JAKMIP1: variants seen among roughly 807,000 people sequenced by gnomAD.
JAKMIP1 encodes the protein janus kinase and microtubule-interacting protein 1.
A neutral mutation model predicts 113.0 loss-of-function variants in JAKMIP1; 33 were observed. The observed-to-expected ratio is 0.29, with a 90% CI of 0.22 to 0.39. JAKMIP1 has a LOEUF of 0.39. Among genes scored for constraint, JAKMIP1 ranks in the 10% least tolerant of loss-of-function variants. The pLI, the probability that JAKMIP1 is intolerant of heterozygous loss-of-function variation, is 1.00. For missense variants in JAKMIP1, 813 were observed against 1,080.5 expected (o/e 0.75, Z 3.47); for synonymous variants, 480 against 459.9 (o/e 1.04, Z -0.56).
chr4:6,049,001 T>G lies in JAKMIP1; in HGVS notation c.1963-79A>C. 9.7e-7 allele frequency: 1 copy of G among 1,027,614 alleles called. No homozygotes were observed. The highest frequency in any genetic ancestry group is 1.9e-5 in the Admixed American group (1 of 52,360). 63.7% of individuals were successfully genotyped at this position (1,027,614 alleles called of 1,614,324 possible). On this transcript the variant is annotated intron_variant, in intron 15 of 20. Coordinates refer to ENST00000409021, the MANE Select transcript of JAKMIP1 (RefSeq NM_001099433.2). The surrounding 1 kb of genome is among the most constrained non-coding windows in gnomAD (Gnocchi z 7.0). The stretch of plus-strand genomic sequence containing the variant: ...CAGACAGTCAGCACCAAGCAAGTTT[T>G]TTTTTTTCGTTGTTGTTGTTTGTTT...
chr4:6,043,048 C>A (rs1714541567), intron 16 of JAKMIP1, among the ~76,000 whole-genome samples: 1 of 151,934 alleles, frequency 6.6e-6, no homozygotes, highest in South Asian at 2.1e-4. Flanking sequence ...GAAGTCCAGG[C>A]CAGCACAGGG....
chr4:6,170,808 T>C lies in JAKMIP1; in HGVS notation c.-148+29445A>G, dbSNP rs183292267. On this transcript the variant is annotated intron_variant, in intron 1 of 20. Coordinates refer to ENST00000409021, the MANE Select transcript of JAKMIP1 (RefSeq NM_001099433.2). ...ACCACCACCACTACACTTCCATCAC[T>C]ATCACCACCATCCCAGAACCACCAC... 1.7e-3 allele frequency among the ~76,000 whole-genome samples: 118 copies of C among 71,320 alleles called. 1 individual carries two copies. Among genetic ancestry groups the C allele is most frequent in the African/African-American group, 4.7e-3 (109 of 23,086 alleles). 46.8% of individuals were successfully genotyped at this position (71,320 alleles called of 152,430 possible).
At chr4:6,101,946 G>A (rs976171694) in intron 3 of JAKMIP1, among the ~76,000 whole-genome samples, 6 of 150,766 alleles carry the variant, frequency 4.0e-5, no homozygotes, top group Non-Finnish European at 5.9e-5. Flanking sequence ...TTTGGTAAGG[G>A]ATAGCACTGA....
rs1240394872 is a variant in JAKMIP1 at position 6,059,884 on chromosome 4, T to C, written c.1644+540A>G. Among the ~76,000 whole-genome samples, 1 of 151,858 alleles carries C rather than the reference T, an allele frequency of 6.6e-6. No individual in the cohort carries two copies. The highest frequency in any genetic ancestry group is 1.5e-5 in the Non-Finnish European group (1 of 67,998). ...TGGCTCCCCCACTCCAGGGGACAGG[T>C]CTAGGCCCAGGCATTGCTTTTCTGC... On this transcript the variant is annotated intron_variant, in intron 11 of 20. Transcript: ENST00000409021. This position sits in a 1 kb window ranked among gnomAD's most constrained non-coding sequence, Gnocchi z 4.8.
At position 6,121,009 on chromosome 4, in the gene JAKMIP1, G is replaced by C. The variant is rs375784340; in HGVS notation, c.-147-8012C>G. On this transcript the variant is annotated intron_variant, in intron 1 of 20. Transcript: ENST00000409021. ...GAGATCAGGAGTTCAAGACCAGCCC[G>C]GCCAACATGGTGAAATCCTGTCTCT... 1.0e-3 allele frequency among the ~76,000 whole-genome samples: 154 copies of C among 152,164 alleles called. 5 individuals are homozygous for C. The East Asian group carries it at 0.02, about 19-fold the overall frequency.
At position 6,197,950 on chromosome 4, in the gene JAKMIP1, T is replaced by C. The variant is rs1242523948; in HGVS notation, c.-148+2303A>G. The stretch of plus-strand genomic sequence containing the variant: ...GTGGGGCCACGGTCCTGCCACTTCC[T>C]CGTGCAGCCTTCCTGGCCGGGCCGC... On this transcript the variant is annotated intron_variant, in intron 1 of 20. Coordinates refer to ENST00000409021, the MANE Select transcript of JAKMIP1 (RefSeq NM_001099433.2). This position sits in a 1 kb window ranked among gnomAD's most constrained non-coding sequence, Gnocchi z 6.5. 1.3e-5 allele frequency among the ~76,000 whole-genome samples: 2 copies of C among 152,194 alleles called. No homozygotes were observed. Among genetic ancestry groups the C allele is most frequent in the African/African-American group, 4.8e-5 (2 of 41,434 alleles).
rs771399724 is a variant in JAKMIP1 at position 6,178,085 on chromosome 4, A to C, written c.-148+22168T>G. 6.6e-5 allele frequency among the ~76,000 whole-genome samples: 10 copies of C among 152,042 alleles called. No homozygotes were observed. Among genetic ancestry groups the C allele is most frequent in the Non-Finnish European group, 1.3e-4 (9 of 68,012 alleles). On this transcript the variant is annotated intron_variant, in intron 1 of 20. Coordinates refer to ENST00000409021, the MANE Select transcript of JAKMIP1 (RefSeq NM_001099433.2). This position sits in a 1 kb window ranked among gnomAD's most constrained non-coding sequence, Gnocchi z 5.5. ...CCGCCTCGTTGGCCACGCCCACTTC[A>C]TGCTTCCTGTCCCCGACCCTCCTCC...
chr4:6,041,873 C>A (rs1714357800), intron 17 of JAKMIP1, among the ~76,000 whole-genome samples: 1 of 152,212 alleles, frequency 6.6e-6, no homozygotes, highest in East Asian at 1.9e-4. Context: ...GGTCTGTGAG[C>A]TTGCTCCTGG....
Position 6,178,279 on chromosome 4 carries a change from G to A in JAKMIP1, c.-148+21974C>T, listed in dbSNP as rs760109961. On this transcript the variant is annotated intron_variant, in intron 1 of 20. Transcript: ENST00000409021. This position sits in a 1 kb window ranked among gnomAD's most constrained non-coding sequence, Gnocchi z 5.5. ...AGCAGCTTTTCCTTTGTTACCCTAC[G>A]ATATGGTTTGGCTGTGTCCCCACCC... Among the ~76,000 whole-genome samples the A allele has an allele frequency of 5.3e-5, 8 of 152,154 alleles. No homozygotes were observed. Among genetic ancestry groups the A allele is most frequent in the Non-Finnish European group, 1.0e-4 (7 of 68,022 alleles).
At chr4:6,118,184 G>C (rs1405043035) in intron 1 of JAKMIP1, among the ~76,000 whole-genome samples, 1 of 152,174 alleles carries the variant, frequency 6.6e-6, no homozygotes, top group African/African-American at 2.4e-5. Flanking sequence ...GTATTAATTT[G>C]GGGAAGTAAT....
intron 20 of JAKMIP1, among the ~76,000 whole-genome samples, chr4:6,028,987 C>T (rs1712227639): frequency 6.6e-6 from 1 of 152,246 alleles, no homozygotes; most frequent in Non-Finnish European, 1.5e-5. Context: ...CAAGGACTCA[C>T]AGCCATCCGG....
chr4:6,173,374 GGA>G (rs1724974442), intron 1 of JAKMIP1, among the ~76,000 whole-genome samples: 1 of 152,140 alleles, frequency 6.6e-6, no homozygotes, highest in Non-Finnish European at 1.5e-5. Flanking sequence ...TTCTCTATGG[GGA>G]GAGAAACAAA....
rs974499436 is a variant in JAKMIP1 at position 6,093,696 on chromosome 4, G to A, written c.625-8067C>T. 1.3e-5 allele frequency among the ~76,000 whole-genome samples: 2 copies of A among 152,188 alleles called. No homozygotes were observed. Among genetic ancestry groups the A allele is most frequent in the African/African-American group, 4.8e-5 (2 of 41,440 alleles). ...GTATTACAATGAATGATGTCCACCT[G>A]TACAGGGAGGTGTGGCTGCCGTGCC... On this transcript the variant is annotated intron_variant, in intron 3 of 20. Coordinates refer to ENST00000409021, the MANE Select transcript of JAKMIP1 (RefSeq NM_001099433.2). This position sits in a 1 kb window ranked among gnomAD's most constrained non-coding sequence, Gnocchi z 4.6.
intron 3 of JAKMIP1, among the ~76,000 whole-genome samples, chr4:6,087,899 C>A (rs1212022245): frequency 6.6e-6 from 1 of 152,106 alleles, no homozygotes; most frequent in Non-Finnish European, 1.5e-5. Flanking sequence ...GGTGATGATC[C>A]ACCAGCATCT....
chr4:6,152,789 A>AATAT lies in JAKMIP1; in HGVS notation c.-147-39796_-147-39793dup, dbSNP rs35192547. On this transcript the variant is annotated intron_variant, in intron 1 of 20. Coordinates refer to ENST00000409021, the MANE Select transcript of JAKMIP1 (RefSeq NM_001099433.2). ...AAACTCTGTCTCTACTAAAAATACA[A>AATAT]ATATATATATATATATATATACATA... 1.6e-3 allele frequency among the ~76,000 whole-genome samples: 219 copies of AATAT among 135,256 alleles called. 4 individuals are homozygous for AATAT. The highest frequency in any genetic ancestry group is 3.7e-3 in the South Asian group (16 of 4,366). 88.7% of individuals were successfully genotyped at this position (135,256 alleles called of 152,430 possible).
At chr4:6,099,656 C>T (rs1264540281) in intron 3 of JAKMIP1, among the ~76,000 whole-genome samples, 1 of 152,252 alleles carries the variant, frequency 6.6e-6, no homozygotes, top group Admixed American at 6.5e-5. Flanking sequence ...CCTTTACCCA[C>T]TTCTCCTGTT....
rs138608965 is a variant in JAKMIP1, at chr4:6,135,419, G to T, written c.-147-22422C>A. 0.014 allele frequency among the ~76,000 whole-genome samples: 2,197 copies of T among 152,120 alleles called. 53 individuals carry two copies. The highest frequency in any genetic ancestry group is 0.05 in the African/African-American group (2,058 of 41,466). Reference sequence around the variant, plus strand: ...CCAACCCTGGTGGCAGCTTGATCTCGGACTTCCAGTCTCCAGAATTGGGAG... The same window carrying T: ...CCAACCCTGGTGGCAGCTTGATCTCTGACTTCCAGTCTCCAGAATTGGGAG... On this transcript the variant is annotated intron_variant, in intron 1 of 20. Transcript: ENST00000409021. This position sits in a 1 kb window ranked among gnomAD's most constrained non-coding sequence, Gnocchi z 4.9.
chr4:6,085,220 T>C (rs944836621), intron 4 of JAKMIP1, among the ~76,000 whole-genome samples, 200 bp downstream of exon 4: 2 of 151,932 alleles, frequency 1.3e-5, no homozygotes, highest in Non-Finnish European at 2.9e-5. Flanking sequence ...TCCCACCCCG[T>C]ATCTCTTACA....
At chr4:6,030,579 T>C (rs1712498377) in intron 19 of JAKMIP1, among the ~76,000 whole-genome samples, 1 of 152,152 alleles carries the variant, frequency 6.6e-6, no homozygotes. Flanking sequence ...TTCCGCCCCA[T>C]CAAGGGCCCC....
Sources: gnomAD v4.1 joint callset for allele counts (sites outside exome capture counted in the v4.1 genomes callset) on GRCh38, gnomAD v4.1.1 for gene constraint, Gnocchi (gnomAD v3.1) non-coding constraint, MANE v1.5 for transcripts, NCBI Gene and HGNC (gene_info 2026-07-23, HGNC 2026-07-21) for gene names.